Variants in PLXDC2 observed in about 807,000 individuals in gnomAD.
PLXDC2 encodes plexin domain-containing protein 2.
PLXDC2 carries 40 observed loss-of-function variants against 68.9 expected under a neutral mutation model. The ratio of observed to expected loss-of-function variants is 0.58; its 90% CI spans 0.45 to 0.76. PLXDC2 has a LOEUF of 0.76. Ranked by LOEUF, PLXDC2 falls within the 30% of genes least tolerant of loss-of-function variation. The pLI is 0.00. For synonymous variants in PLXDC2, 243 were observed against 234.2 expected (o/e 1.04, Z -0.34); for missense variants, 644 against 661.9 (o/e 0.97, Z 0.30).
At chr10:20,190,598 A>AATATAT (rs67612054) in intron 9 of PLXDC2, among the ~76,000 whole-genome samples, 26 of 148,524 alleles carry the variant, frequency 1.8e-4, no homozygotes, top group Middle Eastern at 3.5e-3. Flanking sequence ...AAGTGTAATA[A>AATATAT]ATATATATAT....
chr10:19,967,117 C>T (rs1429510699), intron 1 of PLXDC2, among the ~76,000 whole-genome samples: 2 of 152,184 alleles, frequency 1.3e-5, no homozygotes, highest in African/African-American at 4.8e-5. Flanking sequence ...ATCACATTCC[C>T]CATCTCTATC....
chr10:20,235,001 T>TA (rs1384679695), intron 12 of PLXDC2, among the ~76,000 whole-genome samples: 1 of 152,212 alleles, frequency 6.6e-6, no homozygotes, highest in Non-Finnish European at 1.5e-5. Context: ...AGAAGCTGCT[T>TA]ACAGATAACT....
chr10:19,836,694 A>T (rs1836799151), intron 1 of PLXDC2, among the ~76,000 whole-genome samples: 1 of 152,234 alleles, frequency 6.6e-6, no homozygotes, highest in Admixed American at 6.5e-5. Flanking sequence ...ATTCAAGACC[A>T]GGATATGTAA....
chr10:19,879,976 C>T (rs550970121), intron 1 of PLXDC2, among the ~76,000 whole-genome samples: 51 of 152,224 alleles, frequency 3.4e-4, no homozygotes, highest in Admixed American at 1.5e-3. Context: ...TGTGGATTGA[C>T]GTTATTTTGA....
chr10:19,847,915 G>A (rs1249414187), intron 1 of PLXDC2, among the ~76,000 whole-genome samples: 2 of 152,152 alleles, frequency 1.3e-5, no homozygotes, highest in African/African-American at 4.8e-5. Context: ...TCCTAAATCT[G>A]TGTGCCTAAC....
At chr10:19,908,420 G>C (rs188779233) in intron 1 of PLXDC2, among the ~76,000 whole-genome samples, 31 of 152,148 alleles carry the variant, frequency 2.0e-4, no homozygotes, top group African/African-American at 7.2e-4. Context: ...CTGATAAGCA[G>C]TTATTAAACA....
intron 3 of PLXDC2, among the ~76,000 whole-genome samples, chr10:20,055,021 A>G (rs188145264): frequency 2.6e-5 from 4 of 152,074 alleles, no homozygotes; most frequent in African/African-American, 9.7e-5. Context: ...ATCTTTCTGT[A>G]TGTTGGTAGG....
At chr10:20,148,265 GTT>G (rs5783725) in intron 6 of PLXDC2, among the ~76,000 whole-genome samples, 3,537 of 147,598 alleles carry the variant, frequency 0.024, 129 homozygotes, top group African/African-American at 0.082. Context: ...TCTTTAGTTA[GTT>G]TTTTTTTTTT....
At chr10:19,907,762 C>A (rs1833191114) in intron 1 of PLXDC2, among the ~76,000 whole-genome samples, 1 of 152,144 alleles carries the variant, frequency 6.6e-6, no homozygotes, top group Non-Finnish European at 1.5e-5. Flanking sequence ...CTGTCTATTT[C>A]CTCGGTTATT....
At chr10:19,822,372 C>T (rs1836485708) in intron 1 of PLXDC2, among the ~76,000 whole-genome samples, 3 of 151,660 alleles carry the variant, frequency 2.0e-5, no homozygotes, top group Admixed American at 2.0e-4. Context: ...TCCAGTTATT[C>T]ATCAATGGAC....
intron 10 of PLXDC2, among the ~76,000 whole-genome samples, chr10:20,213,124 T>G (rs566374277): frequency 6.6e-6 from 1 of 152,282 alleles, no homozygotes; most frequent in African/African-American, 2.4e-5. Context: ...TTAGAAGAAT[T>G]TTCCTACCAA....
chr10:19,961,527 G>A (rs970239732), intron 1 of PLXDC2, among the ~76,000 whole-genome samples: 1 of 152,210 alleles, frequency 6.6e-6, no homozygotes, highest in African/African-American at 2.4e-5. Flanking sequence ...GGTTCAGCAG[G>A]AATCGTTGTC....
rs1180079900 is a variant in PLXDC2, at chr10:19,820,496, C to T, written c.112+3305C>T. Among the ~76,000 whole-genome samples the T allele has an allele frequency of 8.6e-5, 13 of 151,876 alleles. No homozygotes were observed. In the East Asian group the frequency reaches 1.2e-3, roughly 14 times the overall value. On this transcript the variant is annotated intron_variant, in intron 1 of 13. Transcript: ENST00000377252. Reference sequence around the variant, plus strand: ...AATACAAAAAAAAATTAGCCGGGCGCGGTGGCGGGCGCCTGTAGTCCCAGC... The same window carrying T: ...AATACAAAAAAAAATTAGCCGGGCGTGGTGGCGGGCGCCTGTAGTCCCAGC...
At chr10:19,981,878 T>G (rs1834557074) in intron 1 of PLXDC2, among the ~76,000 whole-genome samples, 1 of 152,212 alleles carries the variant, frequency 6.6e-6, no homozygotes, top group Non-Finnish European at 1.5e-5. Context: ...TTTCTGAAGA[T>G]GAAGTGCTAG....
chr10:19,817,304 T>C (rs2131989840), intron 1 of PLXDC2, 113 bp downstream of exon 1: 1 of 856,524 alleles, frequency 1.2e-6, no homozygotes, highest in Non-Finnish European at 1.8e-6. Context: ...CTTGGGAAAC[T>C]TATTGCAGTT....
In PLXDC2 at chr10:20,287,406, G is replaced by A. The variant is rs1248863157; in HGVS notation, c.*7587G>A. On this transcript the variant is annotated 3_prime_UTR_variant, in exon 14 of 14. Coordinates refer to ENST00000377252, the MANE Select transcript of PLXDC2 (RefSeq NM_032812.9). ...GTTAAGAGATGGCACTTTCCTTTCC[G>A]GGCCCAGAGCTGGATTTCTCTGAGA... 4 of 152,016 alleles carry A rather than the reference G, an allele frequency of 2.6e-5. No individual in the cohort carries two copies. The highest frequency in any genetic ancestry group is 7.2e-5 in the African/African-American group (3 of 41,402). The allele number at this position is 152,016 out of a possible 1,614,324, so 9.4% of individuals were successfully genotyped here.
chr10:20,084,273 A>G (rs1238989767), intron 4 of PLXDC2, among the ~76,000 whole-genome samples: 1 of 152,222 alleles, frequency 6.6e-6, no homozygotes, highest in Admixed American at 6.5e-5. Context: ...TAAGCTGAGC[A>G]GGAGTCAAAT....
At chr10:20,147,317 T>C (rs1238476133) in intron 5 of PLXDC2, among the ~76,000 whole-genome samples, 1 of 152,200 alleles carries the variant, frequency 6.6e-6, no homozygotes, top group Non-Finnish European at 1.5e-5. Context: ...AAGGAACTCC[T>C]TCAATGTGGA....
intron 12 of PLXDC2, among the ~76,000 whole-genome samples, chr10:20,232,678 A>C (rs1835380987): frequency 6.6e-6 from 1 of 152,212 alleles, no homozygotes; most frequent in African/African-American, 2.4e-5. Context: ...AAATCAAGCT[A>C]ATCTACAATA....
Sources: gnomAD v4.1 joint callset for allele counts (sites outside exome capture counted in the v4.1 genomes callset) on GRCh38, gnomAD v4.1.1 for gene constraint, MANE v1.5 for transcripts, NCBI Gene and HGNC (gene_info 2026-07-23, HGNC 2026-07-21) for gene names.